Variants in RBMXL3 observed in about 807,000 individuals in gnomAD.
RBMXL3 encodes RBMX like 3, also known as RNA-binding motif protein, X-linked-like-3.
Under a neutral mutation model 0.8 loss-of-function variants are expected in RBMXL3, and 2 were observed. The observed-to-expected ratio is 2.54, with a 90% CI of 1.04 to 8.00. RBMXL3 has a LOEUF of 8.00. Ranked by LOEUF, RBMXL3 falls within the 30% of genes most tolerant of loss-of-function variation. The pLI is 0.04. For missense variants in RBMXL3, 1,127 were observed against 1,068.0 expected (o/e 1.06, Z -0.77); for synonymous variants, 447 against 449.8 (o/e 0.99, Z 0.08).
At position 115,191,428 on chromosome X, in the gene RBMXL3, T is replaced by C. The variant is rs1556559310; in HGVS notation, c.1987T>C (p.Tyr663His). The C allele has an allele frequency of 1.0e-5, 12 of 1,154,766 alleles. No homozygotes were observed. The highest frequency in any genetic ancestry group is 1.4e-5 in the Non-Finnish European group (12 of 868,336). ...GHDSSGQSNC[Y>H]GGGGRYEEYR... ...CGACAGTTCTGGCCAGAGCAACTGC[T>C]ACGGAGGAGGAGGCCGCTACGAGGA... The change falls in exon 1 of 1, where the codon TAC becomes CAC. Residue 663 changes from tyrosine (Y) to histidine (H), a missense_variant. By Grantham distance (83) the Tyr-to-His change is moderately conservative. Transcript: ENST00000424776.
At position 115,190,531 on chromosome X, in the gene RBMXL3, A is replaced by G. The variant is rs1556557380; in HGVS notation, c.1090A>G (p.Lys364Glu). 1.7e-6 allele frequency: 2 copies of G among 1,157,570 alleles called. No homozygotes were observed. The highest frequency in any genetic ancestry group is 1.2e-6 in the Non-Finnish European group (1 of 868,616). Residue 364 changes from lysine to glutamate, a missense_variant, in exon 1 of 1, where the codon AAA becomes GAA. Physicochemically the swap from Lys to Glu is moderately conservative, Grantham distance 56. Coordinates refer to ENST00000424776, the MANE Select transcript of RBMXL3 (RefSeq NM_001145346.2). Reference protein sequence around the residue: ...PDAYSRDHSPKAYSGGRSSSS... With the variant: ...PDAYSRDHSPEAYSGGRSSSS... ...CGCCTACAGCAGGGACCACTCGCCC[A>G]AAGCCTATAGTGGGGGCCGCAGCAG...
At position 115,189,651 on chromosome X, in the gene RBMXL3, C is replaced by T. The variant is rs782357724; in HGVS notation, c.210C>T (p.Asn70=). 8 of 1,167,730 alleles carry T rather than the reference C, an allele frequency of 6.9e-6. No individual in the cohort carries two copies. The highest frequency in any genetic ancestry group is 6.5e-5 in the East Asian group (2 of 30,713). Residue 70 remains asparagine, a synonymous_variant, in exon 1 of 1, where the codon AAC becomes AAT. Coordinates refer to ENST00000424776, the MANE Select transcript of RBMXL3 (RefSeq NM_001145346.2). ...CCAAGGCTGCCGCCAGAGATATGAA[C>T]GGCAAGTACCTGGATGGTAAGGCCA... is the stretch of plus-strand genomic sequence containing the variant. ...ADAKAAARDM[N]GKYLDGKAIM... is the part of the protein sequence containing the mutation.
Position 115,190,898 on chromosome X carries a change from G to A in RBMXL3, c.1457G>A (p.Cys486Tyr), listed in dbSNP as rs1556558294. 15 of 1,164,280 alleles carry A rather than the reference G, an allele frequency of 1.3e-5. No homozygotes were observed. The East Asian group carries it at 4.9e-4, about 38-fold the overall frequency. ...GRSLDANSGG[C>Y]SPEAYSGGHD... The stretch of plus-strand genomic sequence containing the variant: ...TCGCTGGATGCCAACAGTGGAGGCT[G>A]CTCGCCCGAGGCCTACAGTGGGGGC... The change falls in exon 1 of 1, where the codon TGC becomes TAC. Residue 486 changes from cysteine (C) to tyrosine (Y), a missense_variant. Transcript: ENST00000424776.
rs1224573894 is a variant in RBMXL3 at position 115,192,591 on chromosome X, C to T, written c.3150C>T (p.Gly1050=). ...YSRSGCRVPR[G]GGRQGGRFER... ...GGTCAGGCTGCAGGGTGCCCAGGGG[C>T]GGAGGCCGTCAAGGAGGCCGCTTCG... Residue 1050 remains glycine, a synonymous_variant, in exon 1 of 1, where the codon GGC becomes GGT. Coordinates refer to ENST00000424776, the MANE Select transcript of RBMXL3 (RefSeq NM_001145346.2). 3 of 1,169,979 alleles carry T rather than the reference C, an allele frequency of 2.6e-6. No homozygotes were observed. The highest frequency in any genetic ancestry group is 1.8e-5 in the African/African-American group (1 of 56,268).
In RBMXL3 at chrX:115,189,759, G is replaced by A; in HGVS notation, c.318G>A (p.Arg106=). 8.6e-7 allele frequency: 1 copy of A among 1,167,286 alleles called. No individual in the cohort carries two copies. The highest frequency in any genetic ancestry group is 1.1e-6 in the Non-Finnish European group (1 of 872,904). Residue 106 remains arginine, a synonymous_variant, in exon 1 of 1, where the codon AGG becomes AGA. Coordinates refer to ENST00000424776, the MANE Select transcript of RBMXL3 (RefSeq NM_001145346.2). ...PPTPGSGSRS[R]FSHRTRGGGS... is the part of the protein sequence containing the mutation. ...CCCCCGGCAGCGGCAGTCGCTCAAG[G>A]TTCTCACACAGAACCCGTGGGGGTG...
chrX:115,189,884 G>C lies in RBMXL3; in HGVS notation c.443G>C (p.Arg148Thr). ...DLWPYRAPMP[R>T]KRGPPPRHWA... ...TGGCCCTACAGGGCCCCGATGCCCA[G>C]GAAGCGCGGGCCGCCACCGCGGCAC... Residue 148 changes from arginine (R) to threonine (T), a missense_variant, in exon 1 of 1, where the codon AGG becomes ACG. Transcript: ENST00000424776. 1 of 1,163,548 alleles carries C rather than the reference G, an allele frequency of 8.6e-7. No individual in the cohort carries two copies. The highest frequency in any genetic ancestry group is 1.1e-6 in the Non-Finnish European group (1 of 871,081).
rs1556556848 is a variant in RBMXL3 at position 115,190,147 on chromosome X, G to A, written c.706G>A (p.Gly236Ser). Reference sequence around the variant, plus strand: ...CGTGTGGGGGCAAGATGGCTACTCAGGCCCGCGGGTCCGGGAGCCACTGCC... The same window carrying A: ...CGTGTGGGGGCAAGATGGCTACTCAAGCCCGCGGGTCCGGGAGCCACTGCC... Reference protein sequence around the residue: ...PAVWGQDGYSGPRVREPLPPC... With the variant: ...PAVWGQDGYSSPRVREPLPPC... Residue 236 changes from glycine (G) to serine (S), a missense_variant, in exon 1 of 1, where the codon GGC becomes AGC. Physicochemically the swap from Gly to Ser is moderately conservative, Grantham distance 56. Transcript: ENST00000424776. 8.6e-7 allele frequency: 1 copy of A among 1,162,543 alleles called. No individual in the cohort carries two copies. The highest frequency in any genetic ancestry group is 1.1e-6 in the Non-Finnish European group (1 of 870,723).
rs1556557033 is a variant in RBMXL3, at chrX:115,190,300, C to T, written c.859C>T (p.Arg287Cys). The stretch of plus-strand genomic sequence containing the variant: ...CGGCAACCAAAATGGCTACAGGGGT[C>T]GCGACCATGAGTACACAGATCATCC... The part of the protein sequence containing the change: ...GDGNQNGYRG[R>C]DHEYTDHPSK... The change falls in exon 1 of 1, where the codon CGC becomes TGC. Residue 287 changes from arginine to cysteine, a missense_variant. By Grantham distance (180) the Arg-to-Cys change is radical (BLOSUM62 -3). Coordinates refer to ENST00000424776, the MANE Select transcript of RBMXL3 (RefSeq NM_001145346.2). The T allele has an allele frequency of 4.3e-6, 5 of 1,151,051 alleles. No homozygotes were observed. Among genetic ancestry groups the T allele is most frequent in the Admixed American group, 5.4e-5 (2 of 37,344 alleles). 94.9% of individuals were successfully genotyped at this position (1,151,051 alleles called of 1,213,427 possible). A position where few individuals can be genotyped will look rare whatever the true frequency, so the allele number is the denominator to read the frequency against.
Position 115,190,018 on chromosome X carries a change from G to A in RBMXL3, c.577G>A (p.Gly193Ser), listed in dbSNP as rs185173133. ...TGTGTCGGGGCAAGATGGCTACTCA[G>A]GCTTGCAGCCACGGCGCTGGGCCGG... Reference protein sequence around the residue: ...PTVSGQDGYSGLQPRRWAGPP... With the variant: ...PTVSGQDGYSSLQPRRWAGPP... The change falls in exon 1 of 1, where the codon GGC becomes AGC. Residue 193 changes from glycine (G) to serine (S), a missense_variant. Coordinates refer to ENST00000424776, the MANE Select transcript of RBMXL3 (RefSeq NM_001145346.2). 5.1e-3 allele frequency: 5,904 copies of A among 1,159,509 alleles called. 162 individuals carry two copies. In the African/African-American group the frequency reaches 0.092, roughly 18 times the overall value.
In RBMXL3 at chrX:115,191,557, G is replaced by GGCC; in HGVS notation, c.2119_2121dup (p.Arg707dup). On this transcript the variant is annotated inframe_insertion, in exon 1 of 1. Coordinates refer to ENST00000424776, the MANE Select transcript of RBMXL3 (RefSeq NM_001145346.2). ...CCAGAGCAACCGCTATGGAGGAGGC[G>GGCC]GCCGCTACGAGGAGTACCGAGGCCA... 2 of 1,135,795 alleles carry GGCC rather than the reference G, an allele frequency of 1.8e-6. No individual in the cohort carries two copies. The highest frequency in any genetic ancestry group is 2.3e-6 in the Non-Finnish European group (2 of 855,515). 93.6% of individuals were successfully genotyped at this position (1,135,795 alleles called of 1,213,427 possible).
Position 115,191,727 on chromosome X carries a change from G to C in RBMXL3, c.2286G>C (p.Gly762=), listed in dbSNP as rs1002926891. Residue 762 remains glycine, a synonymous_variant, in exon 1 of 1, where the codon GGG becomes GGC. Coordinates refer to ENST00000424776, the MANE Select transcript of RBMXL3 (RefSeq NM_001145346.2). ...GCCGCTTGCCTGACGCCTACAGTGG[G>C]GGCCATGACAGTTCCAGCCGGAGCC... ...SSGRLPDAYS[G]GHDSSSRSHR... The C allele has an allele frequency of 5.2e-6, 6 of 1,163,794 alleles. No homozygotes were observed. The highest frequency in any genetic ancestry group is 6.9e-6 in the Non-Finnish European group (6 of 872,064).
Position 115,191,634 on chromosome X carries a change from C to T in RBMXL3, c.2193C>T (p.Gly731=). The change falls in exon 1 of 1, where the codon GGC becomes GGT. Residue 731 remains glycine (G), a synonymous_variant. Coordinates refer to ENST00000424776, the MANE Select transcript of RBMXL3 (RefSeq NM_001145346.2). Reference sequence around the variant, plus strand: ...GCTCGCCTGACACCTACAGCCGGGGCCACGACAGTTCCAGCCAGAGCGACC... The same window carrying T: ...GCTCGCCTGACACCTACAGCCGGGGTCACGACAGTTCCAGCCAGAGCGACC... ...GGRSPDTYSR[G]HDSSSQSDHY... is the part of the protein sequence containing the mutation. 1.7e-6 allele frequency: 2 copies of T among 1,160,188 alleles called. No homozygotes were observed. Among genetic ancestry groups the T allele is most frequent in the Non-Finnish European group, 2.3e-6 (2 of 868,256 alleles).
Position 115,191,496 on chromosome X carries a change from G to T in RBMXL3, c.2055G>T (p.Ser685=). ...RLLDANSGGR[S]PDAYSGGHDS... is the part of the protein sequence containing the mutation. ...TCGATGCCAACAGTGGAGGCCGCTC[G>T]CCTGATGCCTACAGTGGGGGCCACG... is the stretch of plus-strand genomic sequence containing the variant. Residue 685 remains serine (S), a synonymous_variant, in exon 1 of 1, where the codon TCG becomes TCT. Coordinates refer to ENST00000424776, the MANE Select transcript of RBMXL3 (RefSeq NM_001145346.2). 8.8e-7 allele frequency: 1 copy of T among 1,134,527 alleles called. No individual in the cohort carries two copies. 93.5% of individuals were successfully genotyped at this position (1,134,527 alleles called of 1,213,427 possible). A position where few individuals can be genotyped will look rare whatever the true frequency, so the allele number is the denominator to read the frequency against.
rs782055624 is a variant in RBMXL3, at chrX:115,191,566, G to A, written c.2125G>A (p.Glu709Lys). The A allele has an allele frequency of 1.5e-5, 17 of 1,124,293 alleles. No individual in the cohort carries two copies. The highest frequency in any genetic ancestry group is 1.1e-4 in the African/African-American group (6 of 53,406). 92.7% of individuals were successfully genotyped at this position (1,124,293 alleles called of 1,213,427 possible). ...SNRYGGGGRYEEYRGHSLDAN... is the reference protein window; with the variant it reads ...SNRYGGGGRYKEYRGHSLDAN... ...CCGCTATGGAGGAGGCGGCCGCTAC[G>A]AGGAGTACCGAGGCCACTCGCTTGA... Residue 709 changes from glutamate to lysine, a missense_variant, in exon 1 of 1, where the codon GAG becomes AAG. Transcript: ENST00000424776.
At position 115,190,067 on chromosome X, in the gene RBMXL3, C is replaced by A; in HGVS notation, c.626C>A (p.Pro209His). 5 of 1,152,926 alleles carry A rather than the reference C, an allele frequency of 4.3e-6. No homozygotes were observed. Among genetic ancestry groups the A allele is most frequent in the Non-Finnish European group, 5.8e-6 (5 of 865,623 alleles). ...GGCCCACCCCACAAGAGGGCTGTGC[C>A]CCGGTCAAGCCTGGCTCGCATTGGC... The part of the protein sequence containing the change: ...WAGPPHKRAV[P>H]RSSLARIGGS... The change falls in exon 1 of 1, where the codon CCC becomes CAC. Residue 209 changes from proline (P) to histidine (H), a missense_variant. Pro to His is a moderately conservative substitution (Grantham distance 77). Coordinates refer to ENST00000424776, the MANE Select transcript of RBMXL3 (RefSeq NM_001145346.2).
At position 115,191,736 on chromosome X, in the gene RBMXL3, C is replaced by G; in HGVS notation, c.2295C>G (p.Asp765Glu). The change falls in exon 1 of 1, where the codon GAC (aspartate) becomes GAG (glutamate). Residue 765 changes from aspartate to glutamate, a missense_variant. Asp to Glu is a conservative substitution (Grantham distance 45). Coordinates refer to ENST00000424776, the MANE Select transcript of RBMXL3 (RefSeq NM_001145346.2). ...RLPDAYSGGH[D>E]SSSRSHRYGG... ...CTGACGCCTACAGTGGGGGCCATGA[C>G]AGTTCCAGCCGGAGCCACCGCTACG... 1.7e-6 allele frequency: 2 copies of G among 1,165,139 alleles called. No individual in the cohort carries two copies. Among genetic ancestry groups the G allele is most frequent in the Non-Finnish European group, 2.3e-6 (2 of 872,423 alleles).
chrX:115,191,957 G>T lies in RBMXL3; in HGVS notation c.2516G>T (p.Ser839Ile). The T allele has an allele frequency of 8.6e-7, 1 of 1,166,433 alleles. No individual in the cohort carries two copies. The highest frequency in any genetic ancestry group is 1.1e-6 in the Non-Finnish European group (1 of 872,792). ...NSGGHSPNAY[S>I]GGRDSSSNSY... ...GGAGGCCACTCACCCAACGCCTACA[G>T]TGGGGGCCGTGACAGTTCCAGCAAC... The change falls in exon 1 of 1, where the codon AGT becomes ATT. Residue 839 changes from serine to isoleucine, a missense_variant. Physicochemically the swap from Ser to Ile is moderately radical, Grantham distance 142 (BLOSUM62 -2). Coordinates refer to ENST00000424776, the MANE Select transcript of RBMXL3 (RefSeq NM_001145346.2).
chrX:115,192,666 A>G lies in RBMXL3; in HGVS notation c.*21A>G. ...ACTAAGCAGGAACAGACTTGGGCCC[A>G]AAAATTCCTTTTCAAAGAAACAAAA... On this transcript the variant is annotated 3_prime_UTR_variant, in exon 1 of 1. Transcript: ENST00000424776. 8.6e-7 allele frequency: 1 copy of G among 1,158,735 alleles called. No individual in the cohort carries two copies. The highest frequency in any genetic ancestry group is 1.2e-6 in the Non-Finnish European group (1 of 865,566).
rs782006920 is a variant in RBMXL3, at chrX:115,192,002, G to A, written c.2561G>A (p.Arg854His). ...SSSNSYDRSH[R>H]YGGGGHYEEY... Reference sequence around the variant, plus strand: ...AGCAACAGTTACGACCGGAGCCACCGCTATGGAGGAGGAGGCCACTACGAA... The same window carrying A: ...AGCAACAGTTACGACCGGAGCCACCACTATGGAGGAGGAGGCCACTACGAA... Residue 854 changes from arginine (R) to histidine (H), a missense_variant, in exon 1 of 1, where the codon CGC (arginine) becomes CAC (histidine). Coordinates refer to ENST00000424776, the MANE Select transcript of RBMXL3 (RefSeq NM_001145346.2). The A allele has an allele frequency of 1.1e-4, 124 of 1,166,047 alleles. No individual in the cohort carries two copies. The highest frequency in any genetic ancestry group is 2.3e-4 in the Middle Eastern group (1 of 4,327).
Sources: gnomAD v4.1 joint callset for allele counts on GRCh38, gnomAD v4.1.1 for gene constraint, MANE v1.5 for transcripts, NCBI Gene and HGNC (gene_info 2026-07-23, HGNC 2026-07-21) for gene names.